The following SMPD3 variants were observed in gnomAD, a reference collection of about 807,000 sequenced individuals.
SMPD3 encodes the protein nSMase-2.
In SMPD3, 21 loss-of-function variants were observed where a neutral mutation model predicts 55.7. That is an observed-to-expected ratio of 0.38 (90% CI 0.27 to 0.54). The LOEUF is 0.54. Among genes scored for constraint, SMPD3 ranks in the 20% least tolerant of loss-of-function variants. The pLI is 0.80. For missense variants in SMPD3, 842 were observed against 899.6 expected (o/e 0.94, Z 0.82); for synonymous variants, 457 against 404.3 (o/e 1.13, Z -1.56).
chr16:68,360,043 C>T lies in SMPD3; in HGVS notation c.*1163G>A, dbSNP rs1879358772. 1 of 153,074 alleles carries T rather than the reference C, an allele frequency of 6.5e-6. No homozygotes were observed. 9.5% of individuals were successfully genotyped at this position (153,074 alleles called of 1,614,324 possible). A position where few individuals can be genotyped will look rare whatever the true frequency, so the allele number is the denominator to read the frequency against. On this transcript the variant is annotated 3_prime_UTR_variant, in exon 9 of 9. Transcript: ENST00000219334. ...TGCTCTCTGCACCTTGGCTTCCTGC[C>T]TCCTAGGCCGGGGTCCCCTTGTGGC...
chr16:68,430,405 C>A (rs1161359385), intron 1 of SMPD3, among the ~76,000 whole-genome samples: 1 of 152,196 alleles, frequency 6.6e-6, no homozygotes. Context: ...TGGTGAGAAT[C>A]AATTTCATAG....
At chr16:68,387,706 C>T (rs75690141) in intron 1 of SMPD3, among the ~76,000 whole-genome samples, 6 of 152,230 alleles carry the variant, frequency 3.9e-5, no homozygotes, top group African/African-American at 7.2e-5. Flanking sequence ...TTCTTAAGCC[C>T]GTCCCATGGC....
In SMPD3 at chr16:68,443,498, G is replaced by GT. The variant is rs1171318274; in HGVS notation, c.-269+4854dup. ...CTTTGTCAAATAACAGCTTCCTCATGTTTTTTTTCCTTCCTTTCTTAAAAA... is the reference window on the plus strand; with the variant it reads ...CTTTGTCAAATAACAGCTTCCTCATGTTTTTTTTTCCTTCCTTTCTTAAAAA... On this transcript the variant is annotated intron_variant, in intron 1 of 8. Transcript: ENST00000219334. Among the ~76,000 whole-genome samples the GT allele has an allele frequency of 7.2e-5, 11 of 152,116 alleles. No homozygotes were observed. In the East Asian group the frequency reaches 7.7e-4, roughly 11 times the overall value.
rs1262617056 is a variant in SMPD3, at chr16:68,392,489, G to A, written c.-268-5830C>T. On this transcript the variant is annotated intron_variant, in intron 1 of 8. Coordinates refer to ENST00000219334, the MANE Select transcript of SMPD3 (RefSeq NM_018667.4). Reference sequence around the variant, plus strand: ...GCATATAGGGATGTAACCCTGATAAGTTGAGGAGCATTTGTAATCAAGTTT... The same window carrying A: ...GCATATAGGGATGTAACCCTGATAAATTGAGGAGCATTTGTAATCAAGTTT... Among the ~76,000 whole-genome samples the A allele has an allele frequency of 5.3e-5, 8 of 152,128 alleles. No individual in the cohort carries two copies. The East Asian group carries it at 1.5e-3, about 29-fold the overall frequency.
intron 2 of SMPD3, among the ~76,000 whole-genome samples, chr16:68,385,302 G>T (rs1406511206): frequency 1.3e-5 from 2 of 152,184 alleles, no homozygotes; most frequent in African/African-American, 4.8e-5. Context: ...AACATATCCA[G>T]AAATATGTAA....
intron 4 of SMPD3, 46 bp from the exon 5 acceptor site, chr16:68,364,952 AC>A: frequency 1.9e-6 from 3 of 1,613,234 alleles, no homozygotes; most frequent in South Asian, 1.1e-5. Context: ...TTCGCCCCAG[AC>A]CCCAGCTAGG....
chr16:68,371,601 T>C lies in SMPD3; in HGVS notation c.581A>G (p.Asp194Gly). ...CCCGGGGACGGCCCGGGCCACCCCA[T>C]CGCCGCCCTGTGGTGACACCAGGCT... ...FSSLVSPQGG[D>G]GVARAVPGSI... Residue 194 changes from aspartate (D) to glycine (G), a missense_variant, in exon 3 of 9, where the codon GAT (aspartate) becomes GGT (glycine). Around this residue, in one of 2 missense-constraint regions of SMPD3, gnomAD observed 649 missense variants for 643.6 expected, o/e 1.01. Coordinates refer to ENST00000219334, the MANE Select transcript of SMPD3 (RefSeq NM_018667.4). The C allele has an allele frequency of 6.4e-7, 1 of 1,570,098 alleles. No individual in the cohort carries two copies. The highest frequency in any genetic ancestry group is 8.6e-7 in the Non-Finnish European group (1 of 1,158,468).
intron 1 of SMPD3, among the ~76,000 whole-genome samples, chr16:68,445,370 G>A (rs2090601986): frequency 6.6e-6 from 1 of 152,224 alleles, no homozygotes; most frequent in African/African-American, 2.4e-5. Flanking sequence ...AAATGGGTTT[G>A]ATGCCCACCT....
intron 7 of SMPD3, 102 bp from the exon 8 acceptor site, chr16:68,361,861 GTGGGT>G: frequency 1.6e-5 from 20 of 1,219,442 alleles, no homozygotes; most frequent in East Asian, 6.2e-5. Flanking sequence ...GTGGGAGCGG[GTGGGT>G]GGGACCAAAG....
chr16:68,403,015 G>A (rs904136111), intron 1 of SMPD3, among the ~76,000 whole-genome samples: 1 of 152,222 alleles, frequency 6.6e-6, no homozygotes, highest in African/African-American at 2.4e-5. Context: ...CTGTGTCAGG[G>A]TGCAGCACAG....
Position 68,360,316 on chromosome 16 carries a change from C to T in SMPD3, c.*890G>A, listed in dbSNP as rs1057033443. ...ATTTTCAAAATCAGGATCCCCCCCA[C>T]CCCCGTTTATGCTGTGAGTCCCTTC... On this transcript the variant is annotated 3_prime_UTR_variant, in exon 9 of 9. Coordinates refer to ENST00000219334, the MANE Select transcript of SMPD3 (RefSeq NM_018667.4). The T allele has an allele frequency of 6.6e-6, 1 of 151,294 alleles. No individual in the cohort carries two copies. Among genetic ancestry groups the T allele is most frequent in the Non-Finnish European group, 1.5e-5 (1 of 67,894 alleles). The allele number at this position is 151,294 out of a possible 1,614,324, so 9.4% of individuals were successfully genotyped here.
chr16:68,371,371 C>A lies in SMPD3; in HGVS notation c.811G>T (p.Ala271Ser). Residue 271 changes from alanine to serine, a missense_variant, in exon 3 of 9, where the codon GCT becomes TCT. Coordinates refer to ENST00000219334, the MANE Select transcript of SMPD3 (RefSeq NM_018667.4). ...GTCTGGCCCCTTGGGCCCCCGCCAG[C>A]TCCGTTCCTGGCCTGGCCCCCAGGC... ...PVPGGQARNG[A>S]GGGPRGQTPN... 6.4e-7 allele frequency: 1 copy of A among 1,573,366 alleles called. No individual in the cohort carries two copies. The highest frequency in any genetic ancestry group is 8.6e-7 in the Non-Finnish European group (1 of 1,168,936).
At chr16:68,365,379 G>A (rs982358154) in intron 3 of SMPD3, among the ~76,000 whole-genome samples, 18 of 152,158 alleles carry the variant, frequency 1.2e-4, no homozygotes, top group African/African-American at 4.1e-4. Context: ...GCTCCCCGGA[G>A]GCCCAGGCCC....
chr16:68,366,223 C>T (rs1484037317), intron 3 of SMPD3, among the ~76,000 whole-genome samples: 1 of 152,256 alleles, frequency 6.6e-6, no homozygotes, highest in Non-Finnish European at 1.5e-5. Context: ...CCAAACGTCA[C>T]AGCCCATCTG....
chr16:68,374,432 C>G (rs917008594), intron 2 of SMPD3, among the ~76,000 whole-genome samples: 9 of 146,222 alleles, frequency 6.2e-5, no homozygotes, highest in Admixed American at 5.3e-4. Context: ...TTTGGAGCAG[C>G]ATGTGTATCT....
intron 2 of SMPD3, among the ~76,000 whole-genome samples, chr16:68,382,577 G>T (rs1203016596): frequency 1.3e-5 from 2 of 152,188 alleles, no homozygotes; most frequent in African/African-American, 4.8e-5. Context: ...GTGGGTATTG[G>T]GTGGAGCAAG....
chr16:68,373,289 T>G (rs1385174482), intron 2 of SMPD3, among the ~76,000 whole-genome samples: 1 of 152,220 alleles, frequency 6.6e-6, no homozygotes, highest in East Asian at 1.9e-4. Context: ...CAGAGCAGAC[T>G]CAGAGCTCCA....
In SMPD3 at chr16:68,392,835, G is replaced by GGAAAA. The variant is rs527930943; in HGVS notation, c.-268-6177_-268-6176insTTTTC. On this transcript the variant is annotated intron_variant, in intron 1 of 8. Coordinates refer to ENST00000219334, the MANE Select transcript of SMPD3 (RefSeq NM_018667.4). ...CGTGACAGAATGAGACGCTGTCTGGGAAAAAAAAAAAAAAAAAAAAGATGC... is the reference window on the plus strand; with the variant it reads ...CGTGACAGAATGAGACGCTGTCTGGGGAAAAAAAAAAAAAAAAAAAAAAAAGATGC... Among the ~76,000 whole-genome samples the GGAAAA allele has an allele frequency of 3.4e-5, 3 of 88,266 alleles. No individual in the cohort carries two copies. In the South Asian group the frequency reaches 1.4e-3, roughly 40 times the overall value. The allele number at this position is 88,266 out of a possible 152,430, so 57.9% of individuals were successfully genotyped here. A position where few individuals can be genotyped will look rare whatever the true frequency, so the allele number is the denominator to read the frequency against.
chr16:68,363,799 ACCAGGCC>A lies in SMPD3; in HGVS notation c.1616_1622del (p.Gly539ValfsTer59). ...CACCGATGGCCCACGGCTTCTCCTC[ACCAGGCC>A]CCAGGCGGCAGGGGTCCCTGTAGTG... On this transcript the variant is annotated frameshift_variant, in exon 6 of 9. Transcript: ENST00000219334. LOFTEE classifies it high-confidence loss of function. 6.4e-7 allele frequency: 1 copy of A among 1,569,120 alleles called. No homozygotes were observed. The highest frequency in any genetic ancestry group is 8.6e-7 in the Non-Finnish European group (1 of 1,156,946).
Sources: gnomAD v4.1 joint callset for allele counts (sites outside exome capture counted in the v4.1 genomes callset) on GRCh38, gnomAD v4.1.1 for gene constraint, gnomAD v4.1.1 regional missense constraint, MANE v1.5 for transcripts, NCBI Gene and HGNC (gene_info 2026-07-23, HGNC 2026-07-21) for gene names.